The following GTF3C1 variants were observed in gnomAD, a reference collection of about 807,000 sequenced individuals.
GTF3C1 encodes general transcription factor 3C polypeptide 1.
GTF3C1 carries 57 observed loss-of-function variants against 226.7 expected under a neutral mutation model. The ratio of observed to expected loss-of-function variants is 0.25; its 90% CI spans 0.20 to 0.31. The LOEUF (loss-of-function observed/expected upper bound fraction) is 0.31, where lower values mean the gene tolerates loss of function less well. GTF3C1 is among the 10% of genes least tolerant of loss of function. The pLI is 1.00. For missense variants in GTF3C1, 2,217 were observed against 2,776.1 expected (o/e 0.80, Z 4.53); for synonymous variants, 1,090 against 1,084.8 (o/e 1.00, Z -0.09).
intron 5 of GTF3C1, among the ~76,000 whole-genome samples, chr16:27,531,838 G>A (rs968255683): frequency 2.6e-4 from 39 of 152,246 alleles, no homozygotes; most frequent in African/African-American, 7.9e-4. Flanking sequence ...TTATTAAGCC[G>A]GTAGGAAATT....
chr16:27,494,975 C>T (rs934969573), intron 15 of GTF3C1, 67 bp from the exon 16 acceptor site: 25 of 1,396,928 alleles, frequency 1.8e-5, no homozygotes, highest in Admixed American at 5.3e-5. Flanking sequence ...CACATGGTAA[C>T]GTCATCTCCC....
intron 4 of GTF3C1, among the ~76,000 whole-genome samples, chr16:27,536,441 A>G (rs1180675580): frequency 6.6e-6 from 1 of 152,222 alleles, no homozygotes; most frequent in African/African-American, 2.4e-5. Flanking sequence ...TACTAAAAAT[A>G]CGAAAATTAG....
intron 10 of GTF3C1, among the ~76,000 whole-genome samples, chr16:27,505,480 C>A (rs950191023): frequency 6.6e-6 from 1 of 152,188 alleles, no homozygotes; most frequent in African/African-American, 2.4e-5. Context: ...AAGTGTGGCA[C>A]TGAGAACTGT....
At chr16:27,497,344 C>T (rs985480455) in intron 14 of GTF3C1, among the ~76,000 whole-genome samples, 1 of 152,220 alleles carries the variant, frequency 6.6e-6, no homozygotes, top group Non-Finnish European at 1.5e-5. Flanking sequence ...AGCTCAAGGA[C>T]ATTCAGCAGA....
rs1889424229 is a variant in GTF3C1, at chr16:27,489,727, C to T, written c.3168G>A (p.Pro1056=). 5 of 1,611,604 alleles carry T rather than the reference C, an allele frequency of 3.1e-6. No homozygotes were observed. Among genetic ancestry groups the T allele is most frequent in the Non-Finnish European group, 4.2e-6 (5 of 1,179,736 alleles). The change falls in exon 20 of 37, where the codon CCG becomes CCA. Residue 1056 remains proline, a synonymous_variant. Transcript: ENST00000356183. The part of the protein sequence containing the change: ...LNTPLGVVRC[P]RVRKNSSTDQ... Reference sequence around the variant, plus strand: ...CTGTGCTGCTGTTCTTCCTGACGCGCGGGCAGCGCACCACGCCTGGAAAAC... The same window carrying T: ...CTGTGCTGCTGTTCTTCCTGACGCGTGGGCAGCGCACCACGCCTGGAAAAC...
chr16:27,470,357 T>C lies in GTF3C1; in HGVS notation c.4565A>G (p.Glu1522Gly). The change falls in exon 31 of 37, where the codon GAG becomes GGG. Residue 1522 changes from glutamate (E) to glycine (G), a missense_variant. Glu to Gly is a moderately conservative substitution (Grantham distance 98, BLOSUM62 -2). Around this residue, in one of 12 missense-constraint regions of GTF3C1, gnomAD observed 546 missense variants for 663.0 expected, o/e 0.82. Transcript: ENST00000356183. This position sits in a 1 kb window ranked among gnomAD's most constrained non-coding sequence, Gnocchi z 4.9. Reference sequence around the variant, plus strand: ...CATTCTGTCCAAAAACTGGAATGACTCCGTGCAGATGGTGCTTGGAAATCG... The same window carrying C: ...CATTCTGTCCAAAAACTGGAATGACCCCGTGCAGATGGTGCTTGGAAATCG... ...TWRFPSTICT[E>G]SFQFLDRMRA... 6.2e-7 allele frequency: 1 copy of C among 1,614,086 alleles called. No individual in the cohort carries two copies. The highest frequency in any genetic ancestry group is 8.5e-7 in the Non-Finnish European group (1 of 1,179,966).
At position 27,528,603 on chromosome 16, in the gene GTF3C1, T is replaced by C; in HGVS notation, c.968A>G (p.Lys323Arg). The C allele has an allele frequency of 6.2e-7, 1 of 1,612,420 alleles. No homozygotes were observed. The highest frequency in any genetic ancestry group is 8.5e-7 in the Non-Finnish European group (1 of 1,178,672). ...AAGCTGAGACTCTGCATTACCTTTC[T>C]TTGTCTTACAAGGTCCACATTCAGG... The part of the protein sequence containing the change: ...IHPECGPCKT[K>R]KGTDVMVRCL... The change falls in exon 6 of 37, where the codon AAG becomes AGG. Residue 323 changes from lysine (K) to arginine (R), a missense_variant. Coordinates refer to ENST00000356183, the MANE Select transcript of GTF3C1 (RefSeq NM_001520.4).
In GTF3C1 at chr16:27,461,822, G is replaced by A; in HGVS notation, c.6118-260C>T. 2.0e-6 allele frequency: 1 copy of A among 508,854 alleles called. No homozygotes were observed. Among genetic ancestry groups the A allele is most frequent in the African/African-American group, 1.9e-5 (1 of 52,772 alleles). 31.5% of individuals were successfully genotyped at this position (508,854 alleles called of 1,614,324 possible). A position where few individuals can be genotyped will look rare whatever the true frequency, so the allele number is the denominator to read the frequency against. ...GCTGAATCTCATTTGTGGAGGAGAG[G>A]CCTGCAGCGCGGGATAAATCCCAGC... On this transcript the variant is annotated intron_variant, in intron 36 of 36. Transcript: ENST00000356183. The surrounding 1 kb of genome is among the most constrained non-coding windows in gnomAD (Gnocchi z 5.3).
At position 27,465,555 on chromosome 16, in the gene GTF3C1, A is replaced by C; in HGVS notation, c.5075-15T>G. On this transcript the variant is annotated splice_polypyrimidine_tract_variant and intron_variant, in intron 32 of 36. Transcript: ENST00000356183. The stretch of plus-strand genomic sequence containing the variant: ...CAGAGGAGCGGCTGTGGGGACACAG[A>C]GGAAGATCAGAGGCAGCCCGACAGA... 6.3e-7 allele frequency: 1 copy of C among 1,588,944 alleles called. No individual in the cohort carries two copies. Among genetic ancestry groups the C allele is most frequent in the Non-Finnish European group, 8.5e-7 (1 of 1,173,734 alleles).
chr16:27,489,559 C>T (rs199515367), intron 20 of GTF3C1, 43 bp downstream of exon 20: 36 of 1,513,912 alleles, frequency 2.4e-5, no homozygotes, highest in Middle Eastern at 1.9e-4. Context: ...TGAGCACCAC[C>T]GCAGCCCAGT....
intron 6 of GTF3C1, among the ~76,000 whole-genome samples, chr16:27,525,969 T>G (rs922761070): frequency 2.0e-5 from 3 of 152,092 alleles, no homozygotes; most frequent in Admixed American, 1.3e-4. Flanking sequence ...TGAGTTTTCC[T>G]GAAATATTCA....
chr16:27,525,194 A>AGAAAAGAAAG (rs1018543121), intron 6 of GTF3C1, among the ~76,000 whole-genome samples: 1 of 152,138 alleles, frequency 6.6e-6, no homozygotes, highest in Non-Finnish European at 1.5e-5. Flanking sequence ...ATAAAAGAAA[A>AGAAAAGAAAG]GAAAAGAAAA....
Position 27,533,238 on chromosome 16 carries a change from C to T in GTF3C1, c.849+53G>A, listed in dbSNP as rs1227272975. On this transcript the variant is annotated intron_variant, in intron 5 of 36. Coordinates refer to ENST00000356183, the MANE Select transcript of GTF3C1 (RefSeq NM_001520.4). Reference sequence around the variant, plus strand: ...TTCCTCTATGCCTGACAAGACCTCCCGGCTATGGTACAGATCACACCCAGC... The same window carrying T: ...TTCCTCTATGCCTGACAAGACCTCCTGGCTATGGTACAGATCACACCCAGC... The T allele has an allele frequency of 3.4e-5, 29 of 856,824 alleles. No individual in the cohort carries two copies. In the East Asian group the frequency reaches 3.9e-4, roughly 12 times the overall value. 53.1% of individuals were successfully genotyped at this position (856,824 alleles called of 1,614,324 possible).
At chr16:27,528,136 A>T (rs1381801942) in intron 6 of GTF3C1, among the ~76,000 whole-genome samples, 1 of 152,208 alleles carries the variant, frequency 6.6e-6, no homozygotes, top group African/African-American at 2.4e-5. Flanking sequence ...TTAGCCAGGC[A>T]TGGTGGCGGG....
At position 27,469,353 on chromosome 16, in the gene GTF3C1, T is replaced by C. The variant is rs1396523926; in HGVS notation, c.5012A>G (p.Asn1671Ser). The C allele has an allele frequency of 6.2e-7, 1 of 1,604,042 alleles. No individual in the cohort carries two copies. Among genetic ancestry groups the C allele is most frequent in the African/African-American group, 1.3e-5 (1 of 74,784 alleles). The stretch of plus-strand genomic sequence containing the variant: ...GAGCTGGAACTTCATCTGGCAGGAG[T>C]TGACCACAATGCTGTCGTTGGGGTT... ...NLNPNDSIVV[N>S]SCQMKFQLRC... The change falls in exon 32 of 37, where the codon AAC becomes AGC. Residue 1671 changes from asparagine (N) to serine (S), a missense_variant. Around this residue, in one of 12 missense-constraint regions of GTF3C1, gnomAD observed 455 missense variants for 441.9 expected, o/e 1.03. Coordinates refer to ENST00000356183, the MANE Select transcript of GTF3C1 (RefSeq NM_001520.4). The surrounding 1 kb of genome is among the most constrained non-coding windows in gnomAD (Gnocchi z 4.5).
intron 25 of GTF3C1, chr16:27,483,476 T>C: frequency 2.1e-6 from 1 of 475,396 alleles, no homozygotes; most frequent in South Asian, 1.5e-5. Flanking sequence ...CAAACAGGCT[T>C]TGGGGTTTAT....
intron 4 of GTF3C1, among the ~76,000 whole-genome samples, chr16:27,537,084 T>C (rs911257719): frequency 3.9e-5 from 6 of 152,254 alleles, no homozygotes; most frequent in African/African-American, 1.4e-4. Flanking sequence ...TCACACATTG[T>C]TATCGCTTAG....
chr16:27,479,053 G>A (rs374370761), intron 27 of GTF3C1, among the ~76,000 whole-genome samples: 23 of 152,254 alleles, frequency 1.5e-4, no homozygotes, highest in African/African-American at 3.6e-4. Flanking sequence ...AAACTGCATG[G>A]TGACCACAGT....
intron 5 of GTF3C1, among the ~76,000 whole-genome samples, chr16:27,530,994 A>G (rs1170097176): frequency 3.3e-5 from 5 of 152,114 alleles, no homozygotes. Context: ...TCCAGCCCTC[A>G]TGACCACAAC....
Sources: allele counts gnomAD v4.1 joint callset (sites outside exome capture counted in the v4.1 genomes callset), GRCh38; gene constraint gnomAD v4.1.1; regional missense constraint gnomAD v4.1.1; non-coding constraint Gnocchi (gnomAD v3.1); transcripts MANE v1.5; gene names NCBI Gene and HGNC (gene_info 2026-07-23, HGNC 2026-07-21).